GLCCI1: variants seen among roughly 807,000 people sequenced by gnomAD.
GLCCI1 encodes the protein glucocorticoid-induced transcript 1 protein.
GLCCI1 carries 24 observed loss-of-function variants against 52.2 expected under a neutral mutation model. The ratio of observed to expected loss-of-function variants is 0.46; its 90% CI spans 0.33 to 0.65. The LOEUF (loss-of-function observed/expected upper bound fraction) is 0.65. GLCCI1 is among the 30% of genes least tolerant of loss of function. GLCCI1 has a pLI of 0.02. For synonymous variants in GLCCI1, 310 were observed against 276.5 expected, an observed-to-expected ratio of 1.12 and a Z score of -1.20; for missense variants, 704 against 701.5, an observed-to-expected ratio of 1.00 and a Z score of -0.04.
chr7:8,006,359 TATTTGAGAGTTAAGAGAGTGATGTGGAGA>T (rs1363673970), intron 2 of GLCCI1, among the ~76,000 whole-genome samples: 1 of 152,152 alleles, frequency 6.6e-6, no homozygotes, highest in Non-Finnish European at 1.5e-5. Context: ...GAGACCCTAC[TATTTGAGAGTTAAGAGAGTGATGTGGAGA>T]TAGAAGGAAA....
intron 1 of GLCCI1, among the ~76,000 whole-genome samples, chr7:7,991,282 G>T (rs1396141928): frequency 2.6e-5 from 4 of 152,030 alleles, no homozygotes; most frequent in Non-Finnish European, 4.4e-5. Flanking sequence ...AATATATTTG[G>T]ATTAGGAATT....
chr7:8,006,892 G>C (rs759306637), intron 2 of GLCCI1, among the ~76,000 whole-genome samples: 2 of 152,160 alleles, frequency 1.3e-5, no homozygotes, highest in African/African-American at 2.4e-5. Flanking sequence ...GGACCCACCA[G>C]TTCTCACATT....
rs191404206 is a variant in GLCCI1, at chr7:7,990,244, T to G, written c.458-13664T>G. ...ATTAATTCACTCATTTCTTGGGCAC[T>G]TAGGGTGAACAGTGCTCTTTGTTTG... On this transcript the variant is annotated intron_variant, in intron 1 of 7. Coordinates refer to ENST00000223145, the MANE Select transcript of GLCCI1 (RefSeq NM_138426.4). Among the ~76,000 whole-genome samples, 941 of 152,234 alleles carry G rather than the reference T, an allele frequency of 6.2e-3. 11 individuals carry two copies. Among genetic ancestry groups the G allele is most frequent in the African/African-American group, 0.019 (809 of 41,570 alleles).
chr7:8,037,110 G>T (rs538214154), intron 3 of GLCCI1, among the ~76,000 whole-genome samples: 2 of 150,102 alleles, frequency 1.3e-5, no homozygotes, highest in East Asian at 3.9e-4. Flanking sequence ...CAAAGTCAGT[G>T]TGAAGGAAAG....
intron 3 of GLCCI1, among the ~76,000 whole-genome samples, chr7:8,023,585 A>ATTTTTTTTTTTTTTTTTT (rs1268659559): frequency 1.3e-4 from 5 of 39,782 alleles, no homozygotes; most frequent in Non-Finnish European, 5.1e-5. Context: ...AATCTCTGTT[A>ATTTTTTTTTTTTTTTTTT]TTCTTTTTTT....
At chr7:7,981,108 G>T in intron 1 of GLCCI1, 1 of 465,416 alleles carries the variant, frequency 2.1e-6, no homozygotes. Context: ...TTAAACCTCC[G>T]GAAAAATCTG....
chr7:8,035,748 G>A lies in GLCCI1; in HGVS notation c.696+13179G>A, dbSNP rs114369916. 4.8e-3 allele frequency among the ~76,000 whole-genome samples: 730 copies of A among 152,292 alleles called. 11 individuals carry two copies. The highest frequency in any genetic ancestry group is 0.017 in the African/African-American group (694 of 41,556). On this transcript the variant is annotated intron_variant, in intron 3 of 7. Transcript: ENST00000223145. ...ACAGTGTTGTCTGTCCCGTCAGAGT[G>A]TCCCAAGTGCCTAACAGGGGTGTGA...
chr7:8,003,780 G>T lies in GLCCI1; in HGVS notation c.458-128G>T, dbSNP rs1449634873. 5.7e-6 allele frequency: 4 copies of T among 704,150 alleles called. No homozygotes were observed. The East Asian group carries it at 8.2e-5, about 14-fold the overall frequency. The allele number at this position is 704,150 out of a possible 1,614,324, so 43.6% of individuals were successfully genotyped here. ...TACATTTCATCTGATCATACAACAG[G>T]GCTATTAGTGTAAATATATATATCA... On this transcript the variant is annotated intron_variant, in intron 1 of 7. Coordinates refer to ENST00000223145, the MANE Select transcript of GLCCI1 (RefSeq NM_138426.4).
chr7:7,969,863 C>G lies in GLCCI1; in HGVS notation c.457+56C>G. 2 of 1,319,750 alleles carry G rather than the reference C, an allele frequency of 1.5e-6. No individual in the cohort carries two copies. The highest frequency in any genetic ancestry group is 2.9e-5 in the South Asian group (2 of 69,414). 81.8% of individuals were successfully genotyped at this position (1,319,750 alleles called of 1,614,324 possible). A position where few individuals can be genotyped will look rare whatever the true frequency, so the allele number is the denominator to read the frequency against. ...GCTGCGTCTCCCCGACGGTGCCCTC[C>G]GTGGAAACTTCAGCCTCTTCGGGCT... On this transcript the variant is annotated intron_variant, in intron 1 of 7. Coordinates refer to ENST00000223145, the MANE Select transcript of GLCCI1 (RefSeq NM_138426.4). The surrounding 1 kb of genome is among the most constrained non-coding windows in gnomAD (Gnocchi z 4.9).
intron 3 of GLCCI1, among the ~76,000 whole-genome samples, chr7:8,036,188 T>A (rs929605978): frequency 1.3e-5 from 2 of 152,094 alleles, no homozygotes; most frequent in African/African-American, 4.8e-5. Context: ...GAGATAAACT[T>A]CCTGAGACCT....
At position 7,969,294 on chromosome 7, in the gene GLCCI1, G is replaced by C; in HGVS notation, c.-57G>C. On this transcript the variant is annotated 5_prime_UTR_variant, in exon 1 of 8. Coordinates refer to ENST00000223145, the MANE Select transcript of GLCCI1 (RefSeq NM_138426.4). This position sits in a 1 kb window ranked among gnomAD's most constrained non-coding sequence, Gnocchi z 4.9. ...CGCGCCGGCTCCCACACGCTCGCGC[G>C]CCTCCCGCCCCGCGCCTCCGTGTCG... is the stretch of plus-strand genomic sequence containing the variant. 1 of 1,248,442 alleles carries C rather than the reference G, an allele frequency of 8.0e-7. No homozygotes were observed. The highest frequency in any genetic ancestry group is 3.3e-4 in the Middle Eastern group (1 of 3,066). The allele number at this position is 1,248,442 out of a possible 1,614,324, so 77.3% of individuals were successfully genotyped here.
chr7:7,970,038 C>G, intron 1 of GLCCI1: 1 of 351,382 alleles, frequency 2.8e-6, no homozygotes, highest in Non-Finnish European at 4.3e-6. Flanking sequence ...CATCACTCGC[C>G]TGCTTCGAGA....
intron 4 of GLCCI1, 123 bp downstream of exon 4, chr7:8,055,672 A>T (rs1298091947): frequency 1.4e-6 from 1 of 692,040 alleles, no homozygotes; most frequent in Non-Finnish European, 2.5e-6. Flanking sequence ...TAGTTTGTTA[A>T]ATTGTTATAA....
At chr7:8,031,519 T>C (rs777326995) in intron 3 of GLCCI1, among the ~76,000 whole-genome samples, 2 of 152,072 alleles carry the variant, frequency 1.3e-5, no homozygotes, top group Non-Finnish European at 2.9e-5. Context: ...TAATAATTCA[T>C]TATTCGTTTA....
chr7:8,068,634 C>T (rs937312369), intron 5 of GLCCI1, among the ~76,000 whole-genome samples: 1 of 152,148 alleles, frequency 6.6e-6, no homozygotes, highest in Admixed American at 6.5e-5. Flanking sequence ...TTCTTTCTGT[C>T]ATTTCAGCCA....
At chr7:8,076,596 T>G (rs1229620792) in intron 6 of GLCCI1, among the ~76,000 whole-genome samples, 1 of 152,244 alleles carries the variant, frequency 6.6e-6, no homozygotes, top group East Asian at 1.9e-4. Flanking sequence ...GTGATAGCTA[T>G]GAGTTATTAT....
At chr7:8,062,299 T>A (rs1187171431) in intron 5 of GLCCI1, among the ~76,000 whole-genome samples, 1 of 152,202 alleles carries the variant, frequency 6.6e-6, no homozygotes, top group Non-Finnish European at 1.5e-5. Context: ...AAAGGAAAAT[T>A]GTCTGGTTAA....
At chr7:7,994,261 T>C (rs1428928160) in intron 1 of GLCCI1, among the ~76,000 whole-genome samples, 7 of 152,056 alleles carry the variant, frequency 4.6e-5, no homozygotes, top group South Asian at 2.1e-4. Flanking sequence ...CTCAAATAAA[T>C]AAATAAAGTA....
At chr7:8,015,589 G>A (rs1781361605) in intron 2 of GLCCI1, among the ~76,000 whole-genome samples, 1 of 152,122 alleles carries the variant, frequency 6.6e-6, no homozygotes. Flanking sequence ...ATGAGACAGA[G>A]GATTGTAGAA....
Sources: allele counts gnomAD v4.1 joint callset (sites outside exome capture counted in the v4.1 genomes callset), GRCh38; gene constraint gnomAD v4.1.1; non-coding constraint Gnocchi (gnomAD v3.1); transcripts MANE v1.5; gene names NCBI Gene and HGNC (gene_info 2026-07-23, HGNC 2026-07-21).